UBR1: variants seen among roughly 807,000 people sequenced by gnomAD.
UBR1 encodes the protein E3 ubiquitin-protein ligase UBR1.
UBR1 carries 102 observed loss-of-function variants against 242.1 expected under a neutral mutation model. That is an observed-to-expected ratio of 0.42 (90% confidence interval 0.36 to 0.50). The LOEUF is 0.50. Among genes scored for constraint, UBR1 ranks in the 20% least tolerant of loss-of-function variants. UBR1 has a pLI of 0.01. For synonymous variants in UBR1, 675 were observed against 684.8 expected, an observed-to-expected ratio of 0.99 and a Z score of 0.22; for missense variants, 1,772 against 2,101.8, an observed-to-expected ratio of 0.84 and a Z score of 3.07.
In UBR1 at chr15:43,025,337, C is replaced by T. The variant is rs2306128; in HGVS notation, c.2584+44G>A. On this transcript the variant is annotated intron_variant, in intron 24 of 46. Coordinates refer to ENST00000290650, the MANE Select transcript of UBR1 (RefSeq NM_174916.3). ...TATATGCTTTGCTGATGTGAAACCA[C>T]AGAAAATAGTCAAAATGAGTCAATT... 2,243 of 1,573,700 alleles carry T rather than the reference C, an allele frequency of 1.4e-3. 60 individuals are homozygous for T. The East Asian group carries it at 0.034, about 24-fold the overall frequency.
intron 27 of UBR1, among the ~76,000 whole-genome samples, chr15:43,020,494 A>C (rs1301600685): frequency 6.6e-6 from 1 of 152,214 alleles, no homozygotes; most frequent in Admixed American, 6.5e-5. Context: ...TATCAAGATT[A>C]CTGCAACAGT....
chr15:42,973,894 T>G (rs1021895736), intron 39 of UBR1, among the ~76,000 whole-genome samples: 1 of 146,766 alleles, frequency 6.8e-6, no homozygotes, highest in African/African-American at 2.5e-5. Context: ...AGTTTTTTTT[T>G]TTTTTTTTTT....
intron 14 of UBR1, 80 bp from the exon 15 acceptor site, chr15:43,043,475 C>T: frequency 7.3e-7 from 1 of 1,368,802 alleles, no homozygotes; most frequent in Admixed American, 1.8e-5. Flanking sequence ...GACAGCCTGT[C>T]CTGTGGCCTA....
At position 43,054,846 on chromosome 15, in the gene UBR1, C is replaced by T; in HGVS notation, c.1335G>A (p.Leu445=). The change falls in exon 12 of 47, where the codon CTG becomes CTA. Residue 445 remains leucine, a synonymous_variant. Coordinates refer to ENST00000290650, the MANE Select transcript of UBR1 (RefSeq NM_174916.3). The part of the protein sequence containing the change: ...QNVISVITET[L]LEVLPEYLDR... Reference sequence around the variant, plus strand: ...CCAAGTACTCAGGTAAAACTTCTAGCAGAGTTTCAGTAATGACAGAGATAA... The same window carrying T: ...CCAAGTACTCAGGTAAAACTTCTAGTAGAGTTTCAGTAATGACAGAGATAA... 6.2e-7 allele frequency: 1 copy of T among 1,614,140 alleles called. No homozygotes were observed. Among genetic ancestry groups the T allele is most frequent in the East Asian group, 2.2e-5 (1 of 44,862 alleles).
At chr15:43,076,328 T>C (rs2033892514) in intron 3 of UBR1, among the ~76,000 whole-genome samples, 1 of 152,146 alleles carries the variant, frequency 6.6e-6, no homozygotes, top group Non-Finnish European at 1.5e-5. Flanking sequence ...CTCAGCTCGC[T>C]ACAACCTCCA....
At chr15:43,027,419 C>T (rs923429198) in intron 22 of UBR1, among the ~76,000 whole-genome samples, 16 of 151,808 alleles carry the variant, frequency 1.1e-4, no homozygotes, top group African/African-American at 3.6e-4. Context: ...TGTTTTAATT[C>T]TACCAGAGAA....
intron 23 of UBR1, 128 bp downstream of exon 23, chr15:43,026,433 T>C: frequency 1.4e-6 from 1 of 704,916 alleles, no homozygotes; most frequent in Non-Finnish European, 2.4e-6. Flanking sequence ...ATTTTAATTC[T>C]TGGGTGACAT....
At chr15:43,007,306 A>G in intron 29 of UBR1, 22 bp from the exon 30 acceptor site, 2 of 1,612,382 alleles carry the variant, frequency 1.2e-6, no homozygotes, top group Non-Finnish European at 1.7e-6. Flanking sequence ...AATGATCAGA[A>G]ATGAGGACAC....
chr15:43,027,949 A>G, intron 21 of UBR1, 121 bp from the exon 22 acceptor site: 1 of 864,252 alleles, frequency 1.2e-6, no homozygotes, highest in Non-Finnish European at 1.8e-6. Context: ...AAAAAGATCA[A>G]TTTCCACTAT....
At chr15:43,037,655 T>C (rs1331744380) in intron 17 of UBR1, 118 bp downstream of exon 17, 2 of 831,470 alleles carry the variant, frequency 2.4e-6, no homozygotes, top group East Asian at 2.7e-5. Context: ...TAGGAGTTTA[T>C]ACAAGAGAAT....
chr15:42,996,606 C>A (rs1402427318), intron 33 of UBR1, among the ~76,000 whole-genome samples: 1 of 149,140 alleles, frequency 6.7e-6, no homozygotes, highest in Non-Finnish European at 1.5e-5. Context: ...AAACAACAAA[C>A]CCCCCCAACA....
chr15:43,042,383 A>G (rs1410629485), intron 15 of UBR1, among the ~76,000 whole-genome samples: 1 of 152,214 alleles, frequency 6.6e-6, no homozygotes, highest in Non-Finnish European at 1.5e-5. Flanking sequence ...ATGTACTACA[A>G]CATAAACCTG....
intron 12 of UBR1, among the ~76,000 whole-genome samples, chr15:43,049,211 T>G (rs1025536622): frequency 6.6e-6 from 1 of 152,204 alleles, no homozygotes; most frequent in Non-Finnish European, 1.5e-5. Context: ...CTGAAGTTCA[T>G]AGTATAGTGG....
chr15:42,950,028 G>A (rs1489312527), intron 46 of UBR1, among the ~76,000 whole-genome samples: 1 of 151,542 alleles, frequency 6.6e-6, no homozygotes, highest in South Asian at 2.1e-4. Flanking sequence ...TAGTAGCGAC[G>A]GGTTTTCACC....
intron 6 of UBR1, 107 bp from the exon 7 acceptor site, chr15:43,060,221 T>C: frequency 9.5e-7 from 1 of 1,055,528 alleles, no homozygotes; most frequent in Non-Finnish European, 1.5e-6. Flanking sequence ...TCTAATCGCG[T>C]GTTGACTAAA....
At chr15:43,059,557 C>T (rs1596123958) in intron 8 of UBR1, 145 bp downstream of exon 8, 3 of 962,402 alleles carry the variant, frequency 3.1e-6, no homozygotes, top group East Asian at 2.7e-5. Flanking sequence ...ATTTGAAATG[C>T]AACCCTGAAA....
chr15:43,004,987 G>A (rs905006089), intron 30 of UBR1, among the ~76,000 whole-genome samples: 7 of 149,302 alleles, frequency 4.7e-5, no homozygotes, highest in Admixed American at 2.0e-4. Flanking sequence ...CCTCTGCCAC[G>A]CCGCCCCATC....
intron 11 of UBR1, among the ~76,000 whole-genome samples, chr15:43,055,119 T>A (rs1178577011): frequency 6.6e-6 from 1 of 152,196 alleles, no homozygotes; most frequent in Non-Finnish European, 1.5e-5. Context: ...CCTATCTGGA[T>A]ACTCCAAGCC....
At chr15:43,014,777 G>A (rs530874349) in intron 29 of UBR1, among the ~76,000 whole-genome samples, 3 of 149,660 alleles carry the variant, frequency 2.0e-5, no homozygotes, top group South Asian at 2.1e-4. Context: ...CACCCCGTCC[G>A]GGAGGGAGGT....
Sources: allele counts gnomAD v4.1 joint callset (sites outside exome capture counted in the v4.1 genomes callset), GRCh38; gene constraint gnomAD v4.1.1; transcripts MANE v1.5; gene names NCBI Gene and HGNC (gene_info 2026-07-23, HGNC 2026-07-21).